The following NTRK3 variants were observed in gnomAD, a reference collection of about 807,000 sequenced individuals.
The protein encoded by NTRK3 is neurotrophic receptor tyrosine kinase 3.
A neutral mutation model predicts 91.7 loss-of-function variants in NTRK3; 24 were observed. That is an observed-to-expected ratio of 0.26 (90% confidence interval 0.19 to 0.37). The LOEUF is 0.37. Among genes scored for constraint, NTRK3 ranks in the 10% least tolerant of loss-of-function variants. The pLI is 1.00. For missense variants in NTRK3, 880 were observed against 1,068.9 expected, an observed-to-expected ratio of 0.82 and a Z score of 2.46; for synonymous variants, 483 against 404.0, an observed-to-expected ratio of 1.20 and a Z score of -2.34.
chr15:87,934,333 A>G (rs2033483536), intron 15 of NTRK3, among the ~76,000 whole-genome samples: 1 of 152,202 alleles, frequency 6.6e-6, no homozygotes, highest in Non-Finnish European at 1.5e-5. Context: ...CAAGGTAATG[A>G]GGAAGTGAGT....
At chr15:88,213,707 T>G (rs982995584) in intron 3 of NTRK3, among the ~76,000 whole-genome samples, 2 of 152,146 alleles carry the variant, frequency 1.3e-5, no homozygotes, top group Admixed American at 6.5e-5. Flanking sequence ...ATGCTAATAC[T>G]ATCACCATTT....
chr15:88,256,134 G>T (rs776416833), exon 3 of NTRK3: 1 of 1,607,018 alleles, frequency 6.2e-7, no homozygotes, highest in Non-Finnish European at 8.5e-7. Flanking sequence ...ACACTTGGCT[G>T]GGCAAAGAGA....
At chr15:87,898,553 G>T (rs1406300217) in intron 17 of NTRK3, among the ~76,000 whole-genome samples, 1 of 152,162 alleles carries the variant, frequency 6.6e-6, no homozygotes, top group Middle Eastern at 3.2e-3. Flanking sequence ...TGTGTGTGAA[G>T]CTTCTTTTTA....
intron 13 of NTRK3, among the ~76,000 whole-genome samples, chr15:88,033,435 C>T (rs972890460): frequency 3.3e-5 from 5 of 151,418 alleles, no homozygotes; most frequent in African/African-American, 7.3e-5. Context: ...CTCAGCCTCT[C>T]GAGTAGCTGG....
intron 13 of NTRK3, among the ~76,000 whole-genome samples, chr15:88,039,412 G>A (rs1045014720): frequency 4.2e-4 from 64 of 152,138 alleles, no homozygotes; most frequent in African/African-American, 1.4e-3. Flanking sequence ...TCAGATCCAC[G>A]GTGGATTTTA....
At chr15:88,033,772 A>G (rs936587010) in intron 13 of NTRK3, among the ~76,000 whole-genome samples, 4 of 152,210 alleles carry the variant, frequency 2.6e-5, no homozygotes, top group African/African-American at 9.7e-5. Flanking sequence ...ACCCTGGCAT[A>G]AACTATTTTC....
intron 3 of NTRK3, among the ~76,000 whole-genome samples, chr15:88,194,500 C>G (rs1029278821): frequency 1.3e-5 from 2 of 152,140 alleles, no homozygotes; most frequent in Non-Finnish European, 2.9e-5. Context: ...CCAGACAAAC[C>G]CTGTCATTGA....
exon 19 of NTRK3, chr15:87,864,678 A>C (rs1338044749): frequency 4.3e-6 from 1 of 230,042 alleles, no homozygotes; most frequent in Non-Finnish European, 8.6e-6. Flanking sequence ...TATTTTTTAG[A>C]GCATTCTCCA....
intron 17 of NTRK3, among the ~76,000 whole-genome samples, chr15:87,905,846 G>A (rs2066735674): frequency 6.6e-6 from 1 of 152,092 alleles, no homozygotes; most frequent in Non-Finnish European, 1.5e-5. Context: ...AAGCCACACA[G>A]GAAGATTTAC....
chr15:87,975,411 A>G (rs2073637559), intron 14 of NTRK3, among the ~76,000 whole-genome samples: 1 of 152,152 alleles, frequency 6.6e-6, no homozygotes, highest in South Asian at 2.1e-4. Flanking sequence ...TCAGCTGTCA[A>G]TCTGTGCAGC....
chr15:87,892,520 A>G (rs1596117357), intron 17 of NTRK3, among the ~76,000 whole-genome samples: 1 of 152,204 alleles, frequency 6.6e-6, no homozygotes, highest in Non-Finnish European at 1.5e-5. Context: ...AAAATATGAG[A>G]TGCATTTCCA....
intron 10 of NTRK3, among the ~76,000 whole-genome samples, chr15:88,131,680 C>T (rs560399436): frequency 6.6e-5 from 10 of 152,348 alleles, no homozygotes; most frequent in East Asian, 3.9e-4. Flanking sequence ...AATATTCTCA[C>T]GTTAGCCAAA....
chr15:87,907,264 G>A (rs1051032535), intron 17 of NTRK3, among the ~76,000 whole-genome samples: 1 of 152,094 alleles, frequency 6.6e-6, no homozygotes, highest in Non-Finnish European at 1.5e-5. Flanking sequence ...CTTCTATAAT[G>A]GTTCTGCTTG....
intron 13 of NTRK3, among the ~76,000 whole-genome samples, chr15:88,106,515 G>A (rs1485537572): frequency 6.6e-6 from 1 of 152,218 alleles, no homozygotes; most frequent in African/African-American, 2.4e-5. Flanking sequence ...TAATGGAAAA[G>A]CTAGAGACAG....
intron 13 of NTRK3, among the ~76,000 whole-genome samples, chr15:88,092,177 G>T (rs2049075966): frequency 6.6e-6 from 1 of 152,104 alleles, no homozygotes; most frequent in Admixed American, 6.5e-5. Context: ...CAACAACCTG[G>T]CAACTCCCCC....
chr15:88,131,251 T>TATTC (rs144459859), intron 10 of NTRK3, among the ~76,000 whole-genome samples: 30 of 152,196 alleles, frequency 2.0e-4, no homozygotes, highest in African/African-American at 4.8e-5. Flanking sequence ...AGTAAAAGTG[T>TATTC]ATTCATTCAT....
chr15:87,926,421 T>C (rs540709376), intron 17 of NTRK3, among the ~76,000 whole-genome samples: 1 of 152,204 alleles, frequency 6.6e-6, no homozygotes, highest in South Asian at 2.1e-4. Context: ...TCAAACTTCC[T>C]TGGGACCAAA....
At chr15:87,873,683 A>G (rs1017318117) in exon 19 of NTRK3, 1 of 232,094 alleles carries the variant, frequency 4.3e-6, no homozygotes, top group Non-Finnish European at 8.5e-6. Flanking sequence ...TTCACAACAC[A>G]TTTCATCACA....
chr15:88,182,739 CCTCATTAAAT>C (rs2046597128), intron 5 of NTRK3, among the ~76,000 whole-genome samples: 1 of 152,156 alleles, frequency 6.6e-6, no homozygotes. Flanking sequence ...AAATGGCAGT[CCTCATTAAAT>C]CCCAAAGTTT....
Sources: gnomAD v4.1 joint callset for allele counts (sites outside exome capture counted in the v4.1 genomes callset) on GRCh38, gnomAD v4.1.1 for gene constraint, MANE v1.5 for transcripts, NCBI Gene and HGNC (gene_info 2026-07-23, HGNC 2026-07-21) for gene names.